Variants in PDGFRL observed in about 807,000 individuals in gnomAD.
PDGFRL encodes the protein platelet-derived growth factor receptor-like protein.
PDGFRL carries 46 observed loss-of-function variants against 37.2 expected under a neutral mutation model. The observed-to-expected ratio is 1.24, with a 90% CI of 0.98 to 1.58. PDGFRL has a LOEUF of 1.58. Among genes scored for constraint, PDGFRL ranks in the 40% most tolerant of loss-of-function variants. The pLI, the probability that PDGFRL is intolerant of heterozygous loss-of-function variation, is 0.00. For synonymous variants in PDGFRL, 251 were observed against 184.3 expected (o/e 1.36, Z -2.93); for missense variants, 692 against 467.6 (o/e 1.48, Z -4.43).
At chr8:17,602,808 A>T (rs1301355533) in intron 2 of PDGFRL, among the ~76,000 whole-genome samples, 1 of 152,148 alleles carries the variant, frequency 6.6e-6, no homozygotes, top group Non-Finnish European at 1.5e-5. Context: ...CTGTGCTACA[A>T]CTGGCTTCCT....
At chr8:17,614,814 A>G (rs1804491308) in intron 2 of PDGFRL, among the ~76,000 whole-genome samples, 2 of 152,186 alleles carry the variant, frequency 1.3e-5, no homozygotes, top group South Asian at 4.1e-4. Context: ...CGTTCAAAGC[A>G]GAAAATCTTT....
intron 3 of PDGFRL, among the ~76,000 whole-genome samples, chr8:17,626,024 G>C (rs1047784070): frequency 1.3e-5 from 2 of 152,160 alleles, no homozygotes; most frequent in African/African-American, 4.8e-5. Flanking sequence ...AGATATTTTT[G>C]TGTTCTTAAA....
intron 4 of PDGFRL, among the ~76,000 whole-genome samples, chr8:17,631,189 C>G (rs1415457590): frequency 6.6e-6 from 1 of 152,124 alleles, no homozygotes; most frequent in Non-Finnish European, 1.5e-5. Context: ...CGCTCCCTCG[C>G]CTTTCTGGAG....
At chr8:17,612,240 T>C (rs940592345) in intron 2 of PDGFRL, among the ~76,000 whole-genome samples, 1 of 152,260 alleles carries the variant, frequency 6.6e-6, no homozygotes. Context: ...TAAATACACA[T>C]GAGCCCTTGT....
Position 17,628,062 on chromosome 8 carries a change from C to A in PDGFRL, c.506-425C>A, listed in dbSNP as rs562745439. ...AGGCTGGAGTGCAGTGGCGCTATCT[C>A]GGCTCACTGCAAGCTCCGCCTCCCG... is the stretch of plus-strand genomic sequence containing the variant. On this transcript the variant is annotated intron_variant, in intron 3 of 5. Coordinates refer to ENST00000251630, the MANE Select transcript of PDGFRL (RefSeq NM_001372073.1). 3.0e-3 allele frequency among the ~76,000 whole-genome samples: 414 copies of A among 138,102 alleles called. 4 individuals are homozygous for A. Among genetic ancestry groups the A allele is most frequent in the Non-Finnish European group, 3.2e-3 (213 of 66,254 alleles). The allele number at this position is 138,102 out of a possible 152,430, so 90.6% of individuals were successfully genotyped here.
chr8:17,609,664 AAT>A (rs1554552069), intron 2 of PDGFRL, among the ~76,000 whole-genome samples: 61 of 90,108 alleles, frequency 6.8e-4, no homozygotes, highest in African/African-American at 2.0e-3. Flanking sequence ...AAAAAAAAAA[AAT>A]AAGAGCCAAA....
chr8:17,619,097 T>C (rs1255830623), intron 2 of PDGFRL, among the ~76,000 whole-genome samples: 2 of 152,208 alleles, frequency 1.3e-5, no homozygotes, highest in African/African-American at 4.8e-5. Context: ...ATGCTAAATG[T>C]AAACTGGTCA....
Position 17,607,429 on chromosome 8 carries a change from T to C in PDGFRL, c.354-13622T>C, listed in dbSNP as rs544553696. ...TTAAAAAAACAACAAAAAAAGTTTC[T>C]TTCAACAAAACATTTCATTTCTTGA... is the stretch of plus-strand genomic sequence containing the variant. On this transcript the variant is annotated intron_variant, in intron 2 of 5. Coordinates refer to ENST00000251630, the MANE Select transcript of PDGFRL (RefSeq NM_001372073.1). 6.6e-5 allele frequency among the ~76,000 whole-genome samples: 10 copies of C among 152,352 alleles called. 2 individuals carry two copies. The South Asian group carries it at 2.1e-3, about 32-fold the overall frequency.
intron 1 of PDGFRL, among the ~76,000 whole-genome samples, chr8:17,584,595 G>A (rs185296174): frequency 7.9e-5 from 12 of 152,148 alleles, no homozygotes; most frequent in Admixed American, 7.2e-4. Flanking sequence ...AGGGTCCTGC[G>A]AGCCATGTGA....
chr8:17,596,185 C>T (rs528549288), intron 2 of PDGFRL: 5 of 418,174 alleles, frequency 1.2e-5, no homozygotes, highest in African/African-American at 6.1e-5. Context: ...GTTAGGAGCC[C>T]ACATTCAATC....
intron 2 of PDGFRL, among the ~76,000 whole-genome samples, chr8:17,592,669 G>C (rs1437384372): frequency 6.6e-6 from 1 of 152,144 alleles, no homozygotes; most frequent in Non-Finnish European, 1.5e-5. Flanking sequence ...GGGCCCCTCA[G>C]TACCGGGCTA....
chr8:17,642,887 A>G lies in PDGFRL; in HGVS notation c.*86A>G. 1.2e-6 allele frequency: 1 copy of G among 835,700 alleles called. No homozygotes were observed. The highest frequency in any genetic ancestry group is 2.0e-6 in the Non-Finnish European group (1 of 510,576). 51.8% of individuals were successfully genotyped at this position (835,700 alleles called of 1,614,324 possible). A position where few individuals can be genotyped will look rare whatever the true frequency, so the allele number is the denominator to read the frequency against. On this transcript the variant is annotated 3_prime_UTR_variant, in exon 6 of 6. Coordinates refer to ENST00000251630, the MANE Select transcript of PDGFRL (RefSeq NM_001372073.1). ...GGGTTCCTTTTATTAGTGCTTTGCC[A>G]GAGGCTGATGTCAAGCACCACACCC...
intron 2 of PDGFRL, among the ~76,000 whole-genome samples, chr8:17,607,088 G>A (rs1804297608): frequency 6.6e-6 from 1 of 151,932 alleles, no homozygotes; most frequent in African/African-American, 2.4e-5. Flanking sequence ...TGGAAATGGG[G>A]TTTCCTCATG....
At position 17,589,655 on chromosome 8, in the gene PDGFRL, C is replaced by T. The variant is rs753206888; in HGVS notation, c.243C>T (p.Ala81=). 6.2e-5 allele frequency: 100 copies of T among 1,613,652 alleles called. 1 individual carries two copies. The highest frequency in any genetic ancestry group is 3.3e-4 in the Admixed American group (20 of 60,030). The change falls in exon 2 of 6, where the codon GCC becomes GCT. Residue 81 remains alanine (A), a synonymous_variant. Coordinates refer to ENST00000251630, the MANE Select transcript of PDGFRL (RefSeq NM_001372073.1). The part of the protein sequence containing the change: ...VLDKGRFQKP[A]ATLSLLAGQT... ...ATAAAGGTCGCTTCCAGAAACCCGC[C>T]GCTACCCTGAGTCTGCTGGCGGGGC...
At chr8:17,580,594 G>A (rs551485886) in intron 1 of PDGFRL, among the ~76,000 whole-genome samples, 2 of 152,258 alleles carry the variant, frequency 1.3e-5, no homozygotes, top group African/African-American at 2.4e-5. Context: ...CTCAATGAAG[G>A]GAGAGGAAAG....
intron 3 of PDGFRL, among the ~76,000 whole-genome samples, chr8:17,622,037 G>A (rs1047593185): frequency 6.6e-6 from 1 of 152,140 alleles, no homozygotes; most frequent in Non-Finnish European, 1.5e-5. Context: ...GATTGTGGCT[G>A]TTGTGTCTCC....
chr8:17,579,264 G>T (rs1803655641), intron 1 of PDGFRL, among the ~76,000 whole-genome samples: 1 of 152,124 alleles, frequency 6.6e-6, no homozygotes. Context: ...ATACAATAGT[G>T]AACACACAGT....
At chr8:17,582,067 T>C (rs1803719256) in intron 1 of PDGFRL, among the ~76,000 whole-genome samples, 1 of 151,810 alleles carries the variant, frequency 6.6e-6, no homozygotes, top group Non-Finnish European at 1.5e-5. Flanking sequence ...TTGATAGAAA[T>C]ATAGACAGTA....
At chr8:17,593,596 CAA>C (rs533160744) in intron 2 of PDGFRL, among the ~76,000 whole-genome samples, 14 of 124,932 alleles carry the variant, frequency 1.1e-4, no homozygotes, top group Admixed American at 8.3e-5. Flanking sequence ...GAGACTGTTT[CAA>C]AAAAAAAAAA....
Sources: gnomAD v4.1 joint callset for allele counts (sites outside exome capture counted in the v4.1 genomes callset) on GRCh38, gnomAD v4.1.1 for gene constraint, MANE v1.5 for transcripts, NCBI Gene and HGNC (gene_info 2026-07-23, HGNC 2026-07-21) for gene names.